Variants in BBS7 observed in about 807,000 individuals in gnomAD.
BBS7 encodes the protein BBSome complex member BBS7.
BBS7 carries 50 observed loss-of-function variants against 90.3 expected under a neutral mutation model. The observed-to-expected ratio is 0.55, with a 90% CI of 0.44 to 0.70. The LOEUF (loss-of-function observed/expected upper bound fraction) is 0.70, where lower values mean the gene tolerates loss of function less well. Among genes scored for constraint, BBS7 ranks in the 30% least tolerant of loss-of-function variants. The pLI is 0.00. For synonymous variants in BBS7, 235 were observed against 287.4 expected (o/e 0.82, Z 1.85); for missense variants, 729 against 838.9 (o/e 0.87, Z 1.62).
chr4:121,844,917 CA>C (rs1016387600), intron 11 of BBS7, among the ~76,000 whole-genome samples: 1 of 152,044 alleles, frequency 6.6e-6, no homozygotes, highest in African/African-American at 2.4e-5. Context: ...AGAGGGTAGC[CA>C]AAGAAGAAAA....
chr4:121,870,394 GTCAGAAGGCTGCCCGCGCCCC>G lies in BBS7; in HGVS notation c.-102_-82del. 1 of 1,537,600 alleles carries G rather than the reference GTCAGAAGGCTGCCCGCGCCCC, an allele frequency of 6.5e-7. No individual in the cohort carries two copies. The highest frequency in any genetic ancestry group is 1.1e-5 in the South Asian group (1 of 89,014). On this transcript the variant is annotated 5_prime_UTR_variant, in exon 1 of 19. Coordinates refer to ENST00000264499, the MANE Select transcript of BBS7 (RefSeq NM_176824.3). ...TTCGGGCCCGCAGGCCTCCGACCCA[GTCAGAAGGCTGCCCGCGCCCC>G]TCAAAAGCCAGCCCCAGCTACCGCG...
At chr4:121,839,558 T>C (rs981223050) in intron 13 of BBS7, 73 bp downstream of exon 13, 8 of 1,195,228 alleles carry the variant, frequency 6.7e-6, no homozygotes, top group African/African-American at 1.5e-5. Context: ...AATAATATCA[T>C]ATGTTGTAAG....
chr4:121,853,810 G>A (rs76421978), intron 7 of BBS7, among the ~76,000 whole-genome samples: 2,546 of 151,120 alleles, frequency 0.017, 35 homozygotes, highest in Middle Eastern at 0.027. Context: ...ACAGCACCTA[G>A]ATTAAAATTC....
chr4:121,854,243 A>ACTTCC (rs1726479297), intron 7 of BBS7, among the ~76,000 whole-genome samples: 1 of 152,226 alleles, frequency 6.6e-6, no homozygotes, highest in Non-Finnish European at 1.5e-5. Flanking sequence ...AAATGAATAT[A>ACTTCC]TGAACATCCT....
rs571942758 is a variant in BBS7 at position 121,831,925 on chromosome 4, T to G, written c.1676+1306A>C. ...TAGGAGAAAACCACAATAATCTGCTTAGGGAAAGAACCTTAAGAGGCAGAG... is the reference window on the plus strand; with the variant it reads ...TAGGAGAAAACCACAATAATCTGCTGAGGGAAAGAACCTTAAGAGGCAGAG... On this transcript the variant is annotated intron_variant, in intron 15 of 18. Transcript: ENST00000264499. 2.0e-5 allele frequency among the ~76,000 whole-genome samples: 3 copies of G among 151,872 alleles called. No homozygotes were observed. In the South Asian group the frequency reaches 6.2e-4, roughly 32 times the overall value.
At chr4:121,859,705 C>T (rs1429829497) in intron 4 of BBS7, among the ~76,000 whole-genome samples, 2 of 151,940 alleles carry the variant, frequency 1.3e-5, no homozygotes, top group Non-Finnish European at 2.9e-5. Context: ...CTTACTACCA[C>T]ACTAAATTGC....
chr4:121,844,106 C>G (rs1187105039), intron 11 of BBS7, 105 bp from the exon 12 acceptor site: 11 of 709,468 alleles, frequency 1.6e-5, no homozygotes, highest in Non-Finnish European at 1.9e-5. Flanking sequence ...TTATATTCAT[C>G]TTTAAATTTG....
At chr4:121,859,356 T>C in intron 4 of BBS7, among the ~76,000 whole-genome samples, 178 bp from the exon 5 acceptor site, 1 of 152,158 alleles carries the variant, frequency 6.6e-6, no homozygotes, top group East Asian at 1.9e-4. Context: ...CTGTTTTTGA[T>C]TTTGAAAGCT....
Position 121,835,165 on chromosome 4 carries a change from G to A in BBS7, c.1490C>T (p.Thr497Ile). 1 of 1,613,874 alleles carries A rather than the reference G, an allele frequency of 6.2e-7. No homozygotes were observed. The highest frequency in any genetic ancestry group is 1.1e-5 in the South Asian group (1 of 91,078). Residue 497 changes from threonine (T) to isoleucine (I), a missense_variant, in exon 14 of 19, where the codon ACT (threonine) becomes ATT (isoleucine). Transcript: ENST00000264499. ...HIKPLSLHQR[T>I]HFIDHDRPMN... ...CTACCTGTCATGATCAATAAAGTGA[G>A]TTCTTTGATGGAGTGAAAGAGGTTT... is the stretch of plus-strand genomic sequence containing the variant.
At chr4:121,865,849 C>T (rs1280891833) in intron 2 of BBS7, among the ~76,000 whole-genome samples, 1 of 152,192 alleles carries the variant, frequency 6.6e-6, no homozygotes, top group Non-Finnish European at 1.5e-5. Context: ...TTCCTTTCTC[C>T]ACATTCTTGC....
At chr4:121,858,882 G>A (rs903483349) in intron 5 of BBS7, 110 bp downstream of exon 5, 1 of 1,010,590 alleles carries the variant, frequency 9.9e-7, no homozygotes, top group Admixed American at 2.4e-5. Flanking sequence ...GTTTCCACAT[G>A]TTTATAAAAG....
Position 121,828,653 on chromosome 4 carries a change from A to G in BBS7, c.1752T>C (p.Ala584=). 1 of 1,609,250 alleles carries G rather than the reference A, an allele frequency of 6.2e-7. No homozygotes were observed. Among genetic ancestry groups the G allele is most frequent in the Non-Finnish European group, 8.5e-7 (1 of 1,176,144 alleles). The change falls in exon 16 of 19, where the codon GCT becomes GCC. Residue 584 remains alanine (A), a synonymous_variant. Transcript: ENST00000264499. The stretch of plus-strand genomic sequence containing the variant: ...TGTTGAGGTTAATTTTCCTTTTTGT[A>G]GCTTCTTTAGAAAGCACATCTTTTA... The part of the protein sequence containing the change: ...SILKDVLSKE[A]TKRKINLNIS...
chr4:121,828,433 G>A lies in BBS7; in HGVS notation c.1859C>T (p.Ala620Val). Residue 620 changes from alanine (A) to valine (V), a missense_variant, in exon 17 of 19, where the codon GCT becomes GTT. Coordinates refer to ENST00000264499, the MANE Select transcript of BBS7 (RefSeq NM_176824.3). ...AGCATCAATTAACTGCACTTTCTTA[G>A]CCAAAAGCAACTGGTACTCCAGCTT... The part of the protein sequence containing the change: ...HPKLEYQLLL[A>V]KKVQLIDALK... 6.2e-7 allele frequency: 1 copy of A among 1,613,870 alleles called. No individual in the cohort carries two copies. The highest frequency in any genetic ancestry group is 1.3e-5 in the African/African-American group (1 of 75,046).
At chr4:121,832,715 T>C (rs1406278655) in intron 15 of BBS7, among the ~76,000 whole-genome samples, 1 of 152,202 alleles carries the variant, frequency 6.6e-6, no homozygotes, top group African/African-American at 2.4e-5. Context: ...CTAAGCCATG[T>C]TATATTTGTG....
chr4:121,855,688 T>C (rs1726572819), intron 5 of BBS7, 127 bp from the exon 6 acceptor site: 2 of 887,910 alleles, frequency 2.3e-6, no homozygotes, highest in Admixed American at 4.1e-5. Flanking sequence ...CTTTAAAAAT[T>C]AGGTTACGAA....
In BBS7 at chr4:121,864,915, C is replaced by T. The variant is rs375520835; in HGVS notation, c.103-1636G>A. Among the ~76,000 whole-genome samples, 10 of 152,174 alleles carry T rather than the reference C, an allele frequency of 6.6e-5. No individual in the cohort carries two copies. In the South Asian group the frequency reaches 2.1e-3, roughly 32 times the overall value. On this transcript the variant is annotated intron_variant, in intron 2 of 18. Coordinates refer to ENST00000264499, the MANE Select transcript of BBS7 (RefSeq NM_176824.3). Reference sequence around the variant, plus strand: ...TTCTCTGGGTTAGGATCAGTCAATACCTTCTTTTTAGCTATTTGAAACTAT... The same window carrying T: ...TTCTCTGGGTTAGGATCAGTCAATATCTTCTTTTTAGCTATTTGAAACTAT...
chr4:121,827,906 T>C (rs1724983198), intron 18 of BBS7: 3 of 1,275,266 alleles, frequency 2.4e-6, no homozygotes, highest in Non-Finnish European at 3.0e-6. Context: ...TTCATCACAG[T>C]ATACTTATTT....
intron 2 of BBS7, among the ~76,000 whole-genome samples, chr4:121,866,173 C>G (rs1727262215): frequency 6.6e-6 from 1 of 152,034 alleles, no homozygotes; most frequent in African/African-American, 2.4e-5. Flanking sequence ...TATAGATTGT[C>G]TTTTCACTCT....
At chr4:121,861,827 T>A (rs1727001739) in intron 3 of BBS7, 148 bp from the exon 4 acceptor site, 3 of 761,336 alleles carry the variant, frequency 3.9e-6, no homozygotes, top group Admixed American at 5.4e-5. Flanking sequence ...TCTATATACT[T>A]CAGCAGGTCT....
Sources: gnomAD v4.1 joint callset for allele counts (sites outside exome capture counted in the v4.1 genomes callset) on GRCh38, gnomAD v4.1.1 for gene constraint, MANE v1.5 for transcripts, NCBI Gene and HGNC (gene_info 2026-07-23, HGNC 2026-07-21) for gene names.